The following RAP1GDS1 variants were observed in gnomAD, a reference collection of about 807,000 sequenced individuals.
The protein encoded by RAP1GDS1 is RAP1, GTP-GDP dissociation stimulator 1.
RAP1GDS1 carries 35 observed loss-of-function variants against 71.1 expected under a neutral mutation model. The ratio of observed to expected loss-of-function variants is 0.49; its 90% CI spans 0.38 to 0.65. RAP1GDS1 has a LOEUF of 0.65. Among genes scored for constraint, RAP1GDS1 ranks in the 30% least tolerant of loss-of-function variants. RAP1GDS1 has a pLI of 0.00. For synonymous variants in RAP1GDS1, 229 were observed against 243.1 expected (o/e 0.94, Z 0.54); for missense variants, 663 against 706.1 (o/e 0.94, Z 0.69).
intron 2 of RAP1GDS1, among the ~76,000 whole-genome samples, chr4:98,328,588 C>CTATTTTA (rs1733487489): frequency 6.6e-6 from 1 of 152,092 alleles, no homozygotes; most frequent in Non-Finnish European, 1.5e-5. Context: ...TAGATAAGAA[C>CTATTTTA]TATTTTAAAA....
intron 14 of RAP1GDS1, among the ~76,000 whole-genome samples, chr4:98,440,402 C>T (rs1215069768): frequency 4.6e-5 from 7 of 152,086 alleles, no homozygotes; most frequent in Non-Finnish European, 1.0e-4. Context: ...TTATTAAATA[C>T]TGTTTTTACT....
chr4:98,347,754 C>G (rs571314378), intron 3 of RAP1GDS1, among the ~76,000 whole-genome samples: 1 of 152,138 alleles, frequency 6.6e-6, no homozygotes, highest in African/African-American at 2.4e-5. Flanking sequence ...GATTTTTTGC[C>G]TGTTTCTTTT....
At position 98,263,555 on chromosome 4, in the gene RAP1GDS1, A is replaced by C. The variant is rs184795368; in HGVS notation, c.4+1986A>C. Among the ~76,000 whole-genome samples, 71 of 152,322 alleles carry C rather than the reference A, an allele frequency of 4.7e-4. 1 individual carries two copies. The highest frequency in any genetic ancestry group is 3.7e-3 in the Admixed American group (57 of 15,300). ...ATAAGCACTGTTTGTACCTTGTTAG[A>C]AGCTTTTTAGCACTTACGTAATCTA... On this transcript the variant is annotated intron_variant, in intron 1 of 14. Transcript: ENST00000408927.
chr4:98,400,014 A>G (rs1449623154), intron 6 of RAP1GDS1, among the ~76,000 whole-genome samples: 14 of 152,070 alleles, frequency 9.2e-5, no homozygotes, highest in Non-Finnish European at 1.6e-4. Context: ...TTAGCCTGGC[A>G]TGGTGGCACA....
chr4:98,392,203 T>TTGAGATATTTCCATCAATATTTTAA (rs1743809237), intron 6 of RAP1GDS1, 123 bp downstream of exon 6: 7 of 919,480 alleles, frequency 7.6e-6, no homozygotes, highest in Non-Finnish European at 1.1e-5. Context: ...TTTGAAGCAT[T>TTGAGATATTTCCATCAATATTTTAA]TGAGATATTT....
At chr4:98,404,417 A>G in intron 6 of RAP1GDS1, 60 bp from the exon 7 acceptor site, 1 of 1,448,304 alleles carries the variant, frequency 6.9e-7, no homozygotes, top group Non-Finnish European at 9.3e-7. Flanking sequence ...AAGTATTGAA[A>G]GTATTAGAAA....
intron 6 of RAP1GDS1, among the ~76,000 whole-genome samples, chr4:98,397,712 C>G (rs1324468111): frequency 6.6e-6 from 1 of 152,092 alleles, no homozygotes; most frequent in African/African-American, 2.4e-5. Flanking sequence ...ACCCTCTTTC[C>G]CCTTTCACAC....
In RAP1GDS1 at chr4:98,443,395, A is replaced by T. The variant is rs1440141268; in HGVS notation, c.*1278A>T. 4 of 230,998 alleles carry T rather than the reference A, an allele frequency of 1.7e-5. No individual in the cohort carries two copies. The East Asian group carries it at 2.4e-4, about 14-fold the overall frequency. The allele number at this position is 230,998 out of a possible 1,614,324, so 14.3% of individuals were successfully genotyped here. ...ATGGGTTTTTAGAGCTTTGAAACAC[A>T]ATCTTTGTAAATTAATCAAAACCTC... On this transcript the variant is annotated 3_prime_UTR_variant, in exon 15 of 15. Transcript: ENST00000408927.
At chr4:98,311,396 A>G (rs1730202116) in intron 2 of RAP1GDS1, among the ~76,000 whole-genome samples, 2 of 152,202 alleles carry the variant, frequency 1.3e-5, no homozygotes, top group African/African-American at 4.8e-5. Context: ...AGAGAAAAGA[A>G]AATAACTCTG....
chr4:98,294,088 A>T (rs1294468013), intron 2 of RAP1GDS1, among the ~76,000 whole-genome samples: 1 of 152,138 alleles, frequency 6.6e-6, no homozygotes, highest in Non-Finnish European at 1.5e-5. Flanking sequence ...TAGAAACTGC[A>T]CAGTTCTTCA....
chr4:98,365,865 T>C (rs1739412926), intron 4 of RAP1GDS1, among the ~76,000 whole-genome samples: 1 of 152,132 alleles, frequency 6.6e-6, no homozygotes. Context: ...TTAAGTGAAA[T>C]AAAACGGGGA....
chr4:98,349,838 T>G (rs1736892765), intron 3 of RAP1GDS1, among the ~76,000 whole-genome samples: 1 of 141,526 alleles, frequency 7.1e-6, no homozygotes, highest in African/African-American at 2.7e-5. Flanking sequence ...ACATCCCTGT[T>G]TTTTTTTTTA....
intron 5 of RAP1GDS1, among the ~76,000 whole-genome samples, chr4:98,386,353 GTTGC>G (rs910958651): frequency 6.8e-4 from 103 of 151,574 alleles, no homozygotes; most frequent in African/African-American, 2.0e-3. Context: ...TTTTTTTGTT[GTTGC>G]TTCTGTTTTA....
chr4:98,375,868 G>A (rs1480473139), intron 4 of RAP1GDS1, among the ~76,000 whole-genome samples: 1 of 152,156 alleles, frequency 6.6e-6, no homozygotes, highest in African/African-American at 2.4e-5. Flanking sequence ...TGCCACAATA[G>A]TTAGATTCAG....
chr4:98,320,195 G>T (rs1578422440), intron 2 of RAP1GDS1, among the ~76,000 whole-genome samples: 1 of 152,172 alleles, frequency 6.6e-6, no homozygotes, highest in Admixed American at 6.5e-5. Context: ...AGTTTTGGGG[G>T]AGTCAAAAGA....
At chr4:98,285,161 G>A (rs1725786304) in intron 1 of RAP1GDS1, among the ~76,000 whole-genome samples, 1 of 152,144 alleles carries the variant, frequency 6.6e-6, no homozygotes, top group Non-Finnish European at 1.5e-5. Flanking sequence ...TCCTCAGTGA[G>A]CAATAGATTG....
At chr4:98,374,746 C>T (rs756284756) in intron 4 of RAP1GDS1, among the ~76,000 whole-genome samples, 2 of 152,062 alleles carry the variant, frequency 1.3e-5, no homozygotes, top group Non-Finnish European at 2.9e-5. Flanking sequence ...AGTAGTCGGC[C>T]GTTCTTACTT....
At chr4:98,273,913 A>C (rs567238990) in intron 1 of RAP1GDS1, among the ~76,000 whole-genome samples, 6 of 152,284 alleles carry the variant, frequency 3.9e-5, no homozygotes, top group African/African-American at 1.4e-4. Flanking sequence ...GAAATATAGA[A>C]ATTTCCTTTG....
chr4:98,388,720 C>G (rs771329465), intron 5 of RAP1GDS1, among the ~76,000 whole-genome samples: 1 of 152,132 alleles, frequency 6.6e-6, no homozygotes, highest in African/African-American at 2.4e-5. Context: ...AGTGAGACTT[C>G]GTCTCAAAAA....
Sources: gnomAD v4.1 joint callset for allele counts (sites outside exome capture counted in the v4.1 genomes callset) on GRCh38, gnomAD v4.1.1 for gene constraint, MANE v1.5 for transcripts, NCBI Gene and HGNC (gene_info 2026-07-23, HGNC 2026-07-21) for gene names.